The following LHFPL3 variants were observed in gnomAD, a reference collection of about 807,000 sequenced individuals.
The protein encoded by LHFPL3 is LHFPL tetraspan subfamily member 3 protein.
A neutral mutation model predicts 19.3 loss-of-function variants in LHFPL3; 5 were observed. The ratio of observed to expected loss-of-function variants is 0.26; its 90% confidence interval spans 0.14 to 0.54. The LOEUF is 0.54. LHFPL3 is among the 20% of genes least tolerant of loss of function. LHFPL3 has a pLI of 0.94. For synonymous variants in LHFPL3, 133 were observed against 126.2 expected, an observed-to-expected ratio of 1.05 and a Z score of -0.36; for missense variants, 249 against 307.4, an observed-to-expected ratio of 0.81 and a Z score of 1.42.
chr7:104,462,468 G>T (rs1792686900), intron 1 of LHFPL3, among the ~76,000 whole-genome samples: 1 of 152,116 alleles, frequency 6.6e-6, no homozygotes, highest in African/African-American at 2.4e-5. Flanking sequence ...AGCCTTTTCT[G>T]CAGCTATTGA....
At chr7:104,645,654 CTTTT>C (rs869151153) in intron 1 of LHFPL3, among the ~76,000 whole-genome samples, 12 of 81,616 alleles carry the variant, frequency 1.5e-4, no homozygotes, top group African/African-American at 4.6e-4. Flanking sequence ...ATTGGGTTTT[CTTTT>C]TTTTTTTTTT....
At chr7:104,614,556 C>T (rs559790452) in intron 1 of LHFPL3, among the ~76,000 whole-genome samples, 5 of 149,630 alleles carry the variant, frequency 3.3e-5, no homozygotes, top group South Asian at 4.4e-4. Flanking sequence ...GACTACAGTA[C>T]GGTACTGTCC....
intron 1 of LHFPL3, among the ~76,000 whole-genome samples, chr7:104,701,104 G>A (rs1201357599): frequency 6.6e-6 from 1 of 152,096 alleles, no homozygotes; most frequent in Non-Finnish European, 1.5e-5. Context: ...CTCGCTTGAT[G>A]GATAATTTGT....
chr7:104,345,825 C>T (rs185528953), intron 1 of LHFPL3, among the ~76,000 whole-genome samples: 9 of 152,042 alleles, frequency 5.9e-5, no homozygotes, highest in Admixed American at 5.2e-4. Context: ...CTAGCAATTG[C>T]TATTGTACTA....
At chr7:104,820,746 C>A (rs188257552) in intron 2 of LHFPL3, among the ~76,000 whole-genome samples, 92 of 152,146 alleles carry the variant, frequency 6.0e-4, no homozygotes, top group African/African-American at 2.2e-3. Flanking sequence ...ACCTTAACCA[C>A]CCCCCCAGAC....
At chr7:104,757,178 C>G (rs1165999461) in intron 2 of LHFPL3, among the ~76,000 whole-genome samples, 1 of 152,286 alleles carries the variant, frequency 6.6e-6, no homozygotes, top group African/African-American at 2.4e-5. Context: ...AAACTGGACC[C>G]TTATCTTCCA....
At chr7:104,351,253 C>G (rs1562872055) in intron 1 of LHFPL3, among the ~76,000 whole-genome samples, 2 of 152,132 alleles carry the variant, frequency 1.3e-5, no homozygotes, top group African/African-American at 2.4e-5. Flanking sequence ...GATCATCATA[C>G]CTTATCTATT....
intron 1 of LHFPL3, among the ~76,000 whole-genome samples, chr7:104,341,927 C>G (rs1370479760): frequency 6.6e-6 from 1 of 152,162 alleles, no homozygotes; most frequent in Non-Finnish European, 1.5e-5. Flanking sequence ...AGAAATCACA[C>G]AGTAGAAGGG....
intron 1 of LHFPL3, among the ~76,000 whole-genome samples, chr7:104,420,468 C>A (rs1042862507): frequency 1.3e-5 from 2 of 151,398 alleles, no homozygotes; most frequent in African/African-American, 4.9e-5. Flanking sequence ...GTATTAAATT[C>A]TGTATAATGA....
intron 2 of LHFPL3, among the ~76,000 whole-genome samples, chr7:104,870,930 G>A (rs1007034289): frequency 1.6e-4 from 25 of 152,176 alleles, no homozygotes; most frequent in Admixed American, 1.3e-3. Context: ...GGCAGTGGGG[G>A]GCACTCTATA....
At chr7:104,361,928 A>G (rs1411439104) in intron 1 of LHFPL3, among the ~76,000 whole-genome samples, 2 of 152,252 alleles carry the variant, frequency 1.3e-5, no homozygotes, top group Non-Finnish European at 2.9e-5. Flanking sequence ...ATTATTGGTC[A>G]GAAATCACTT....
At chr7:104,523,225 G>T (rs1300396391) in intron 1 of LHFPL3, among the ~76,000 whole-genome samples, 1 of 152,074 alleles carries the variant, frequency 6.6e-6, no homozygotes, top group African/African-American at 2.4e-5. Context: ...CCCTTGCCAT[G>T]TGTCAGGTAC....
At chr7:104,886,281 G>A (rs1331378178) in intron 2 of LHFPL3, among the ~76,000 whole-genome samples, 2 of 152,174 alleles carry the variant, frequency 1.3e-5, no homozygotes, top group South Asian at 2.1e-4. Context: ...TGAAGAAAAA[G>A]TATTAATGTA....
chr7:104,851,467 A>G (rs1421823951), intron 2 of LHFPL3, among the ~76,000 whole-genome samples: 1 of 152,224 alleles, frequency 6.6e-6, no homozygotes, highest in East Asian at 1.9e-4. Context: ...TCAAGAGGAT[A>G]GCTGATTATG....
chr7:104,488,768 G>T (rs1231198462), intron 1 of LHFPL3, among the ~76,000 whole-genome samples: 1 of 152,196 alleles, frequency 6.6e-6, no homozygotes, highest in Non-Finnish European at 1.5e-5. Flanking sequence ...CAGCCACAAG[G>T]ACGCAGCATG....
intron 2 of LHFPL3, among the ~76,000 whole-genome samples, chr7:104,805,570 AC>A (rs1343728007): frequency 6.6e-6 from 1 of 151,930 alleles, no homozygotes; most frequent in Admixed American, 6.6e-5. Context: ...TGCTTCGTTC[AC>A]CCCTTCCAGG....
intron 1 of LHFPL3, among the ~76,000 whole-genome samples, chr7:104,693,472 G>A (rs1792942160): frequency 6.6e-6 from 1 of 152,152 alleles, no homozygotes. Context: ...GAGGGACCCA[G>A]TGAGAGGTAA....
chr7:104,468,868 C>G (rs887267903), intron 1 of LHFPL3, among the ~76,000 whole-genome samples: 1 of 152,072 alleles, frequency 6.6e-6, no homozygotes, highest in Non-Finnish European at 1.5e-5. Context: ...ACCATGTTGG[C>G]CAGGCTGGTC....
intron 1 of LHFPL3, among the ~76,000 whole-genome samples, chr7:104,661,072 C>G (rs1343139686): frequency 6.6e-6 from 1 of 152,138 alleles, no homozygotes; most frequent in Non-Finnish European, 1.5e-5. Flanking sequence ...GTATTGAGAT[C>G]CTGTGAGCAC....
Sources: gnomAD v4.1 joint callset for allele counts (sites outside exome capture counted in the v4.1 genomes callset) on GRCh38, gnomAD v4.1.1 for gene constraint, MANE v1.5 for transcripts, NCBI Gene and HGNC (gene_info 2026-07-23, HGNC 2026-07-21) for gene names.